Variants in SYT1 observed in about 807,000 individuals in gnomAD.
The protein encoded by SYT1 is synaptotagmin 1.
SYT1 carries 8 observed loss-of-function variants against 44.8 expected under a neutral mutation model. The observed-to-expected ratio is 0.18, with a 90% CI of 0.10 to 0.32. The LOEUF (loss-of-function observed/expected upper bound fraction) is 0.32. SYT1 is among the 10% of genes least tolerant of loss of function. SYT1 has a pLI of 1.00. For missense variants in SYT1, 286 were observed against 509.3 expected (o/e 0.56, Z 4.22); for synonymous variants, 154 against 188.8 (o/e 0.82, Z 1.51).
intron 3 of SYT1, among the ~76,000 whole-genome samples, chr12:79,118,862 G>C (rs1879438000): frequency 6.6e-6 from 1 of 152,112 alleles, no homozygotes; most frequent in South Asian, 2.1e-4. Flanking sequence ...TATATACTCT[G>C]ATTACTCTCA....
chr12:79,082,940 G>GA (rs1316800123), intron 3 of SYT1, among the ~76,000 whole-genome samples: 3 of 149,934 alleles, frequency 2.0e-5, no homozygotes, highest in Non-Finnish European at 4.4e-5. Flanking sequence ...ATTTTTTAAT[G>GA]AAAAAACAAA....
chr12:79,018,005 A>G (rs1306642399), intron 2 of SYT1, among the ~76,000 whole-genome samples: 2 of 152,010 alleles, frequency 1.3e-5, no homozygotes, highest in African/African-American at 4.8e-5. Flanking sequence ...ACAAAGAAGG[A>G]CATGAAGAGC....
intron 9 of SYT1, among the ~76,000 whole-genome samples, chr12:79,441,580 G>C (rs747685627): frequency 6.6e-6 from 1 of 152,046 alleles, no homozygotes; most frequent in African/African-American, 2.4e-5. Context: ...CTCCCAAAGC[G>C]CTGGGATTAC....
chr12:79,096,690 A>G (rs969881944), intron 3 of SYT1, among the ~76,000 whole-genome samples: 2 of 151,980 alleles, frequency 1.3e-5, no homozygotes, highest in African/African-American at 4.8e-5. Flanking sequence ...GAAAGAAACT[A>G]GGTGTGATTG....
At chr12:79,346,096 T>C (rs1167826296) in intron 8 of SYT1, among the ~76,000 whole-genome samples, 1 of 152,224 alleles carries the variant, frequency 6.6e-6, no homozygotes, top group Non-Finnish European at 1.5e-5. Flanking sequence ...TGTATGAACT[T>C]AGCCCCATTT....
chr12:78,975,477 A>G (rs1449932236), intron 1 of SYT1, among the ~76,000 whole-genome samples: 1 of 152,214 alleles, frequency 6.6e-6, no homozygotes, highest in Non-Finnish European at 1.5e-5. Context: ...TCTTCAGTTT[A>G]CAACATGTAG....
rs149558302 is a variant in SYT1, at chr12:79,440,748, A to G, written c.929-3325A>G. Among the ~76,000 whole-genome samples, 6 of 152,258 alleles carry G rather than the reference A, an allele frequency of 3.9e-5. No homozygotes were observed. The East Asian group carries it at 1.2e-3, about 29-fold the overall frequency. ...AACAAATTCAATTATCCAGAGGCCT[A>G]TTTTGTAGGAGAGGTAATCTTTGCT... On this transcript the variant is annotated intron_variant, in intron 9 of 10. Coordinates refer to ENST00000261205, the MANE Select transcript of SYT1 (RefSeq NM_005639.3).
intron 1 of SYT1, among the ~76,000 whole-genome samples, chr12:78,884,381 T>C (rs565308088): frequency 6.6e-6 from 1 of 151,734 alleles, no homozygotes; most frequent in Admixed American, 6.6e-5. Flanking sequence ...TTTGAAGTGA[T>C]TTTTTACTCT....
intron 2 of SYT1, among the ~76,000 whole-genome samples, chr12:79,044,493 C>G (rs1403227459): frequency 1.4e-5 from 2 of 147,228 alleles, no homozygotes; most frequent in African/African-American, 5.1e-5. Flanking sequence ...CCTTTAAGCA[C>G]TTCTCTGTAT....
rs573762314 is a variant in SYT1 at position 79,183,018 on chromosome 12, T to A, written c.-17-34485T>A. ...AAGAACCAAATGTGTTATATTCTTT[T>A]TAATTAAGAATTTAAGAAATATTTC... is the stretch of plus-strand genomic sequence containing the variant. On this transcript the variant is annotated intron_variant, in intron 3 of 10. Coordinates refer to ENST00000261205, the MANE Select transcript of SYT1 (RefSeq NM_005639.3). Among the ~76,000 whole-genome samples, 7 of 152,228 alleles carry A rather than the reference T, an allele frequency of 4.6e-5. 1 individual carries two copies. The highest frequency in any genetic ancestry group is 1.7e-4 in the African/African-American group (7 of 41,564).
intron 1 of SYT1, among the ~76,000 whole-genome samples, chr12:78,927,831 G>A (rs1030876149): frequency 5.9e-5 from 9 of 152,006 alleles, no homozygotes; most frequent in Non-Finnish European, 8.8e-5. Flanking sequence ...CTAGCTAACC[G>A]TCTATAGCAT....
At chr12:78,999,670 C>T (rs73351458) in intron 2 of SYT1, among the ~76,000 whole-genome samples, 1,544 of 152,186 alleles carry the variant, frequency 0.01, 32 homozygotes, top group African/African-American at 0.035. Context: ...ACATGTAATG[C>T]AGGGTTCAGT....
At chr12:78,988,650 G>C (rs942761086) in intron 2 of SYT1, among the ~76,000 whole-genome samples, 2 of 151,968 alleles carry the variant, frequency 1.3e-5, no homozygotes, top group African/African-American at 4.8e-5. Flanking sequence ...GGCTGGTGTA[G>C]AGTGAGTGAG....
rs144341228 is a variant in SYT1, at chr12:79,030,876, A to G, written c.-83-16421A>G. ...AGAAGTATACCTACATTGTCTTTAA[A>G]TAATGATGACATTTAGATGAGATGG... On this transcript the variant is annotated intron_variant, in intron 2 of 10. Coordinates refer to ENST00000261205, the MANE Select transcript of SYT1 (RefSeq NM_005639.3). Among the ~76,000 whole-genome samples, 519 of 151,110 alleles carry G rather than the reference A, an allele frequency of 3.4e-3. 3 individuals are homozygous for G. The highest frequency in any genetic ancestry group is 0.027 in the Middle Eastern group (8 of 294).
intron 4 of SYT1, among the ~76,000 whole-genome samples, chr12:79,222,380 T>TTTTTTTCTTTTTTC (rs61705048): frequency 1.9e-4 from 27 of 141,820 alleles, no homozygotes; most frequent in African/African-American, 6.8e-4. Flanking sequence ...TTATTTACTT[T>TTTTTTTCTTTTTTC]TTTTTTCTTT....
At chr12:78,969,672 G>A (rs555953621) in intron 1 of SYT1, among the ~76,000 whole-genome samples, 5 of 152,214 alleles carry the variant, frequency 3.3e-5, no homozygotes, top group Non-Finnish European at 5.9e-5. Flanking sequence ...AATGAGGGGA[G>A]TGTGGTGAGA....
chr12:79,157,222 C>G (rs1298272157), intron 3 of SYT1, among the ~76,000 whole-genome samples: 1 of 152,162 alleles, frequency 6.6e-6, no homozygotes. Flanking sequence ...CCGTTTATTG[C>G]AAGGGAACTT....
intron 3 of SYT1, among the ~76,000 whole-genome samples, chr12:79,203,482 T>C (rs530979989): frequency 2.0e-5 from 3 of 152,320 alleles, no homozygotes; most frequent in East Asian, 1.9e-4. Context: ...ATTCCTCTTA[T>C]ATTGCTACAC....
intron 4 of SYT1, among the ~76,000 whole-genome samples, chr12:79,240,258 T>C (rs891341655): frequency 6.6e-6 from 1 of 152,248 alleles, no homozygotes; most frequent in African/African-American, 2.4e-5. Context: ...GATTACCTTT[T>C]ATCTAAATAG....
Sources: gnomAD v4.1 joint callset for allele counts (sites outside exome capture counted in the v4.1 genomes callset) on GRCh38, gnomAD v4.1.1 for gene constraint, MANE v1.5 for transcripts, NCBI Gene and HGNC (gene_info 2026-07-23, HGNC 2026-07-21) for gene names.